RAB3GAP2: variants seen among roughly 807,000 people sequenced by gnomAD.
The protein encoded by RAB3GAP2 is rab3 GTPase-activating protein non-catalytic subunit.
In RAB3GAP2, 87 loss-of-function variants were observed where a neutral mutation model predicts 185.3. That is an observed-to-expected ratio of 0.47 (90% CI 0.39 to 0.56). RAB3GAP2 has a LOEUF of 0.56. Among genes scored for constraint, RAB3GAP2 ranks in the 20% least tolerant of loss-of-function variants. The pLI is 0.00. For synonymous variants in RAB3GAP2, 554 were observed against 576.1 expected (o/e 0.96, Z 0.55); for missense variants, 1,492 against 1,638.2 (o/e 0.91, Z 1.54).
At chr1:220,244,075 G>C (rs1659753050) in intron 1 of RAB3GAP2, among the ~76,000 whole-genome samples, 4 of 152,114 alleles carry the variant, frequency 2.6e-5, no homozygotes, top group Admixed American at 2.6e-4. Flanking sequence ...TCAGACAAGA[G>C]AAAGAAATAA....
At chr1:220,160,617 T>C (rs1247430062) in intron 28 of RAB3GAP2, among the ~76,000 whole-genome samples, 2 of 152,334 alleles carry the variant, frequency 1.3e-5, no homozygotes, top group African/African-American at 2.4e-5. Context: ...TCTTCTAATA[T>C]AGCCTATGTT....
At chr1:220,222,657 G>T (rs1386378644) in intron 2 of RAB3GAP2, among the ~76,000 whole-genome samples, 3 of 152,116 alleles carry the variant, frequency 2.0e-5, no homozygotes, top group Admixed American at 1.3e-4. Context: ...TACTTCAACT[G>T]TCAATTCAAG....
At chr1:220,153,053 G>A in intron 33 of RAB3GAP2, 132 bp downstream of exon 33, 2 of 734,022 alleles carry the variant, frequency 2.7e-6, no homozygotes, top group Non-Finnish European at 4.8e-6. Context: ...ATATTCTATT[G>A]TTCTATTTTT....
rs544862987 is a variant in RAB3GAP2, at chr1:220,148,688, G to T, written c.*2563C>A. ...ATTGTTTTTAAAAAGCAATTTAAAT[G>T]TAACAGTGTTTACTTTGACCATAGA... On this transcript the variant is annotated 3_prime_UTR_variant, in exon 35 of 35. Coordinates refer to ENST00000358951, the MANE Select transcript of RAB3GAP2 (RefSeq NM_012414.4). 1.3e-5 allele frequency: 2 copies of T among 152,222 alleles called. No individual in the cohort carries two copies. Among genetic ancestry groups the T allele is most frequent in the South Asian group, 2.1e-4 (1 of 4,826 alleles). The allele number at this position is 152,222 out of a possible 1,614,324, so 9.4% of individuals were successfully genotyped here.
intron 9 of RAB3GAP2, among the ~76,000 whole-genome samples, chr1:220,201,246 A>T (rs1248236801): frequency 1.3e-5 from 2 of 152,010 alleles, no homozygotes; most frequent in East Asian, 3.9e-4. Context: ...GGGTCTCGCT[A>T]TATTGCCCAG....
In RAB3GAP2 at chr1:220,180,338, C is replaced by T. The variant is rs146976697; in HGVS notation, c.2310+1919G>A. On this transcript the variant is annotated intron_variant, in intron 21 of 34. Transcript: ENST00000358951. ...TGAAATTGAGAATAAAAAAATTACA[C>T]AAGATCAACAAAAAAAGTTGTTTTT... Among the ~76,000 whole-genome samples the T allele has an allele frequency of 2.0e-3, 301 of 151,804 alleles. 1 individual carries two copies. Among genetic ancestry groups the T allele is most frequent in the African/African-American group, 7.1e-3 (294 of 41,434 alleles).
intron 20 of RAB3GAP2, 154 bp downstream of exon 20, chr1:220,182,564 C>CTCT: frequency 8.2e-7 from 1 of 1,223,090 alleles, no homozygotes; most frequent in Non-Finnish European, 1.1e-6. Context: ...ACCTGTTGAC[C>CTCT]AGAGTATCTT....
At chr1:220,242,801 G>T (rs1159876830) in intron 1 of RAB3GAP2, among the ~76,000 whole-genome samples, 1 of 152,030 alleles carries the variant, frequency 6.6e-6, no homozygotes, top group East Asian at 1.9e-4. Context: ...CCAAACAGAA[G>T]ATCCAAAAAT....
Position 220,213,984 on chromosome 1 carries a change from G to A in RAB3GAP2, c.181-5C>T, listed in dbSNP as rs1282344722. On this transcript the variant is annotated splice_polypyrimidine_tract_variant and splice_region_variant and intron_variant, in intron 2 of 34. Coordinates refer to ENST00000358951, the MANE Select transcript of RAB3GAP2 (RefSeq NM_012414.4). The stretch of plus-strand genomic sequence containing the variant: ...GCAAGTATTTCCTTCTTCTTCCTGT[G>A]GGTAAAACTACAATTACTGCATATG... 6.2e-7 allele frequency: 1 copy of A among 1,612,858 alleles called. No homozygotes were observed. Among genetic ancestry groups the A allele is most frequent in the Non-Finnish European group, 8.5e-7 (1 of 1,179,288 alleles).
intron 1 of RAB3GAP2, among the ~76,000 whole-genome samples, chr1:220,250,818 C>G (rs1292449047): frequency 6.6e-6 from 1 of 152,210 alleles, no homozygotes; most frequent in Non-Finnish European, 1.5e-5. Flanking sequence ...TGCTCTCACT[C>G]ATTCTCCTTC....
chr1:220,214,767 G>A (rs1659153561), intron 2 of RAB3GAP2, among the ~76,000 whole-genome samples: 1 of 151,018 alleles, frequency 6.6e-6, no homozygotes, highest in African/African-American at 2.4e-5. Context: ...AAATCCCCAT[G>A]GTTAAAAATT....
chr1:220,153,354 T>G lies in RAB3GAP2; in HGVS notation c.3698A>C (p.Lys1233Thr). 6.2e-7 allele frequency: 1 copy of G among 1,614,214 alleles called. No homozygotes were observed. Among genetic ancestry groups the G allele is most frequent in the Non-Finnish European group, 8.5e-7 (1 of 1,180,024 alleles). The change falls in exon 33 of 35, where the codon AAG (lysine) becomes ACG (threonine). Residue 1233 changes from lysine to threonine, a missense_variant. Physicochemically the swap from Lys to Thr is moderately conservative, Grantham distance 78. Coordinates refer to ENST00000358951, the MANE Select transcript of RAB3GAP2 (RefSeq NM_012414.4). Reference protein sequence around the residue: ...AAVQAQHSATKVKDPTEEATP... With the variant: ...AAVQAQHSATTVKDPTEEATP... ...GGCCTCTTCTGTGGGATCTTTGACC[T>G]TTGTGGCTGAATGTTGGGCCTGGAC...
chr1:220,245,984 A>T (rs1486191815), intron 1 of RAB3GAP2, among the ~76,000 whole-genome samples: 1 of 152,146 alleles, frequency 6.6e-6, no homozygotes, highest in African/African-American at 2.4e-5. Context: ...AAACTAACAA[A>T]CAGAAAGGAC....
At chr1:220,271,303 G>A (rs1268298006) in intron 1 of RAB3GAP2, 1 of 152,120 alleles carries the variant, frequency 6.6e-6, no homozygotes, top group African/African-American at 2.4e-5. Flanking sequence ...CAAAGTGAGA[G>A]CGCTGTACTA....
chr1:220,221,052 T>C (rs1280487308), intron 2 of RAB3GAP2, among the ~76,000 whole-genome samples: 1 of 152,232 alleles, frequency 6.6e-6, no homozygotes, highest in African/African-American at 2.4e-5. Flanking sequence ...CTGGCAGTTT[T>C]CAGTTATTAT....
intron 8 of RAB3GAP2, among the ~76,000 whole-genome samples, chr1:220,204,619 T>C (rs1658926110): frequency 6.6e-6 from 1 of 152,156 alleles, no homozygotes; most frequent in South Asian, 2.1e-4. Context: ...AGTTTTAGGG[T>C]ACATGTGCAC....
At chr1:220,233,585 A>G (rs567378345) in intron 1 of RAB3GAP2, among the ~76,000 whole-genome samples, 5 of 152,228 alleles carry the variant, frequency 3.3e-5, no homozygotes, top group Non-Finnish European at 7.3e-5. Flanking sequence ...AGCATGAGAT[A>G]CTTTGTATGC....
chr1:220,151,854 G>T, intron 33 of RAB3GAP2, 90 bp from the exon 34 acceptor site: 2 of 1,345,550 alleles, frequency 1.5e-6, no homozygotes, highest in Non-Finnish European at 2.1e-6. Context: ...AGAGATTCTA[G>T]TTGATTTTTG....
chr1:220,252,001 A>T (rs1003267210), intron 1 of RAB3GAP2, among the ~76,000 whole-genome samples: 9 of 151,968 alleles, frequency 5.9e-5, no homozygotes, highest in African/African-American at 2.2e-4. Flanking sequence ...GAAATAGAAA[A>T]AGTAGCTGGA....
Sources: allele counts gnomAD v4.1 joint callset (sites outside exome capture counted in the v4.1 genomes callset), GRCh38; gene constraint gnomAD v4.1.1; transcripts MANE v1.5; gene names NCBI Gene and HGNC (gene_info 2026-07-23, HGNC 2026-07-21).